The following SYT1 variants were observed in gnomAD, a reference collection of about 807,000 sequenced individuals.
SYT1 encodes synaptotagmin-1.
SYT1 carries 8 observed loss-of-function variants against 44.8 expected under a neutral mutation model. The ratio of observed to expected loss-of-function variants is 0.18; its 90% CI spans 0.10 to 0.32. SYT1 has a LOEUF of 0.32. Among genes scored for constraint, SYT1 ranks in the 10% least tolerant of loss-of-function variants. SYT1 has a pLI of 1.00. For synonymous variants in SYT1, 154 were observed against 188.8 expected (o/e 0.82, Z 1.51); for missense variants, 286 against 509.3 (o/e 0.56, Z 4.22).
chr12:79,431,141 A>G (rs554650911), intron 9 of SYT1, among the ~76,000 whole-genome samples: 2 of 152,356 alleles, frequency 1.3e-5, no homozygotes, highest in East Asian at 1.9e-4. Context: ...GGGGAAAACA[A>G]GACAGTCCTA....
intron 3 of SYT1, among the ~76,000 whole-genome samples, chr12:79,187,474 C>T (rs1565846260): frequency 6.6e-6 from 1 of 152,066 alleles, no homozygotes. Flanking sequence ...AGCTGACAAG[C>T]ACCTGGGATT....
chr12:79,409,107 C>T (rs1868330065), intron 9 of SYT1, among the ~76,000 whole-genome samples: 1 of 152,090 alleles, frequency 6.6e-6, no homozygotes, highest in Non-Finnish European at 1.5e-5. Context: ...ATTGCTAAGC[C>T]TTAATTATAT....
chr12:79,045,094 C>A (rs998428369), intron 2 of SYT1, among the ~76,000 whole-genome samples: 8 of 151,978 alleles, frequency 5.3e-5, no homozygotes, highest in Admixed American at 5.3e-4. Context: ...GCCCTGCCCC[C>A]AGAGGTGGAG....
chr12:79,449,388 C>T lies in SYT1; in HGVS notation c.*264C>T. 1 of 458,814 alleles carries T rather than the reference C, an allele frequency of 2.2e-6. No homozygotes were observed. Among genetic ancestry groups the T allele is most frequent in the Non-Finnish European group, 4.0e-6 (1 of 252,886 alleles). The allele number at this position is 458,814 out of a possible 1,614,324, so 28.4% of individuals were successfully genotyped here. ...GCATGAATGAAATTATTTATTGTAT[C>T]ACACTGTTGTATATACCAGTATGCT... On this transcript the variant is annotated 3_prime_UTR_variant, in exon 11 of 11. Transcript: ENST00000261205.
At chr12:79,165,218 T>C (rs1871160836) in intron 3 of SYT1, among the ~76,000 whole-genome samples, 1 of 151,992 alleles carries the variant, frequency 6.6e-6, no homozygotes, top group Non-Finnish European at 1.5e-5. Context: ...AATTTTTAAC[T>C]CTGTTTTTCT....
chr12:79,056,370 G>A (rs1156609357), intron 3 of SYT1, among the ~76,000 whole-genome samples: 1 of 152,100 alleles, frequency 6.6e-6, no homozygotes, highest in Non-Finnish European at 1.5e-5. Flanking sequence ...CTCCTTGAAG[G>A]CCTCTTCCTT....
intron 9 of SYT1, among the ~76,000 whole-genome samples, chr12:79,434,873 G>A (rs1461150383): frequency 1.3e-5 from 2 of 151,472 alleles, no homozygotes; most frequent in African/African-American, 2.4e-5. Flanking sequence ...GCTTCTGCTT[G>A]AGGAACCACC....
chr12:79,019,382 A>G (rs912802954), intron 2 of SYT1, among the ~76,000 whole-genome samples: 13 of 152,178 alleles, frequency 8.5e-5, no homozygotes, highest in African/African-American at 3.1e-4. Flanking sequence ...TTGAATTACC[A>G]TCAACATTCC....
At chr12:79,209,230 A>G (rs1268805828) in intron 3 of SYT1, among the ~76,000 whole-genome samples, 1 of 152,192 alleles carries the variant, frequency 6.6e-6, no homozygotes, top group Non-Finnish European at 1.5e-5. Context: ...AACATCTGCA[A>G]ACTTATGGAG....
chr12:79,081,290 A>G (rs1467279225), intron 3 of SYT1, among the ~76,000 whole-genome samples: 2 of 152,144 alleles, frequency 1.3e-5, no homozygotes, highest in African/African-American at 4.8e-5. Context: ...TTTAACGCTC[A>G]TGTATAAAAT....
chr12:79,145,739 T>G (rs948119309), intron 3 of SYT1, among the ~76,000 whole-genome samples: 9 of 127,508 alleles, frequency 7.1e-5, no homozygotes, highest in Non-Finnish European at 8.7e-5. Flanking sequence ...ACATAGTGGT[T>G]TTTTTTTTTT....
rs1482314519 is a variant in SYT1 at position 79,292,144 on chromosome 12, A to G, written c.474+14A>G. 1 of 1,607,518 alleles carries G rather than the reference A, an allele frequency of 6.2e-7. No homozygotes were observed. The highest frequency in any genetic ancestry group is 1.3e-5 in the African/African-American group (1 of 74,296). ...CAAAATAACCAGGTCTGAAGTGGAG[A>G]AATGTCTTCTAATTCCATTACATTT... On this transcript the variant is annotated intron_variant, in intron 6 of 10. Transcript: ENST00000261205.
At chr12:79,368,129 T>C (rs978991608) in intron 9 of SYT1, among the ~76,000 whole-genome samples, 4 of 147,416 alleles carry the variant, frequency 2.7e-5, no homozygotes, top group African/African-American at 1.0e-4. Flanking sequence ...TTCCCACCTA[T>C]GAGTGAGAAC....
At chr12:79,174,729 A>G (rs908722175) in intron 3 of SYT1, among the ~76,000 whole-genome samples, 3 of 152,188 alleles carry the variant, frequency 2.0e-5, no homozygotes, top group African/African-American at 7.2e-5. Flanking sequence ...AGTCCTTTGG[A>G]ATGGTATTGC....
chr12:79,220,910 T>C (rs1410858246), intron 4 of SYT1, among the ~76,000 whole-genome samples: 1 of 152,158 alleles, frequency 6.6e-6, no homozygotes, highest in African/African-American at 2.4e-5. Context: ...TCTGTAGCTG[T>C]TGGACAGAAT....
At chr12:79,087,093 C>T (rs764779098) in intron 3 of SYT1, among the ~76,000 whole-genome samples, 1 of 152,114 alleles carries the variant, frequency 6.6e-6, no homozygotes, top group Non-Finnish European at 1.5e-5. Context: ...TGTGTTAGTA[C>T]ACAATTCGGG....
At chr12:79,333,792 A>G (rs2139021503) in intron 8 of SYT1, among the ~76,000 whole-genome samples, 1 of 152,336 alleles carries the variant, frequency 6.6e-6, no homozygotes, top group East Asian at 1.9e-4. Context: ...CTTTGTTATA[A>G]AAGATAGTTA....
chr12:79,268,945 G>A (rs1277038511), intron 4 of SYT1, among the ~76,000 whole-genome samples: 1 of 152,146 alleles, frequency 6.6e-6, no homozygotes, highest in Non-Finnish European at 1.5e-5. Context: ...GAGAAAGGAT[G>A]AAAGAGAGGC....
chr12:79,269,782 A>T (rs983327719), intron 4 of SYT1, among the ~76,000 whole-genome samples: 8 of 152,168 alleles, frequency 5.3e-5, no homozygotes, highest in African/African-American at 1.9e-4. Flanking sequence ...TAAACTGGAC[A>T]TATGATTCAA....
Sources: gnomAD v4.1 joint callset for allele counts (sites outside exome capture counted in the v4.1 genomes callset) on GRCh38, gnomAD v4.1.1 for gene constraint, MANE v1.5 for transcripts, NCBI Gene and HGNC (gene_info 2026-07-23, HGNC 2026-07-21) for gene names.